LPIN1: variants seen among roughly 807,000 people sequenced by gnomAD.
LPIN1 encodes the protein lipin 1.
LPIN1 carries 71 observed loss-of-function variants against 107.5 expected under a neutral mutation model. The ratio of observed to expected loss-of-function variants is 0.66; its 90% CI spans 0.55 to 0.80. The LOEUF (loss-of-function observed/expected upper bound fraction) is 0.80, where lower values mean the gene tolerates loss of function less well. LPIN1 is among the 30% of genes least tolerant of loss of function. LPIN1 has a pLI of 0.00. For missense variants in LPIN1, 1,043 were observed against 1,160.6 expected, an observed-to-expected ratio of 0.90 and a Z score of 1.47; for synonymous variants, 445 against 452.6, an observed-to-expected ratio of 0.98 and a Z score of 0.21.
At chr2:11,781,678 A>G (rs781397318) in intron 7 of LPIN1, among the ~76,000 whole-genome samples, 1 of 152,246 alleles carries the variant, frequency 6.6e-6, no homozygotes, top group East Asian at 1.9e-4. Context: ...GTATAGCTCA[A>G]TACATTTTCA....
intron 4 of LPIN1, among the ~76,000 whole-genome samples, chr2:11,773,310 A>G (rs1327240573): frequency 6.6e-6 from 1 of 152,170 alleles, no homozygotes; most frequent in Non-Finnish European, 1.5e-5. Context: ...TTGGAACATG[A>G]CCGTGTAGGG....
intron 1 of LPIN1, among the ~76,000 whole-genome samples, chr2:11,759,879 C>G (rs1430473273): frequency 6.9e-6 from 1 of 145,144 alleles, no homozygotes; most frequent in African/African-American, 2.5e-5. Flanking sequence ...ACCTCCCTCC[C>G]GGACGGGGTG....
Position 11,776,151 on chromosome 2 carries a change from G to T in LPIN1, c.788G>T (p.Ser263Ile). 1 of 1,547,474 alleles carries T rather than the reference G, an allele frequency of 6.5e-7. No homozygotes were observed. Among genetic ancestry groups the T allele is most frequent in the Non-Finnish European group, 8.7e-7 (1 of 1,144,824 alleles). The change falls in exon 6 of 21, where the codon AGT becomes ATT. Residue 263 changes from serine (S) to isoleucine (I), a missense_variant. Transcript: ENST00000674199. ...GTTGCGGCCGAGGGAGGTCTGTCTA[G>T]TTCTTGCCCTCCACAGTCTTCCCTG... is the stretch of plus-strand genomic sequence containing the variant. ...LAVAAEGGLS[S>I]SCPPQSSLFH...
intron 1 of LPIN1, among the ~76,000 whole-genome samples, chr2:11,752,972 C>G (rs186705126): frequency 6.6e-6 from 1 of 152,142 alleles, no homozygotes; most frequent in Non-Finnish European, 1.5e-5. Flanking sequence ...TGACAGTGTC[C>G]GCAGTGCTGT....
intron 1 of LPIN1, chr2:11,677,734 G>A: frequency 6.5e-7 from 1 of 1,535,336 alleles, no homozygotes; most frequent in Non-Finnish European, 8.7e-7. Context: ...CATGGGTAAG[G>A]GCCGGCCATG....
At chr2:11,795,385 C>G (rs761998350) in intron 13 of LPIN1, 23 bp from the exon 14 acceptor site, 1 of 1,604,306 alleles carries the variant, frequency 6.2e-7, no homozygotes, top group Non-Finnish European at 8.5e-7. Context: ...ACTTCTGTGA[C>G]TCTTTCTTTT....
chr2:11,821,288 G>A (rs559344554), intron 20 of LPIN1, among the ~76,000 whole-genome samples: 16 of 152,268 alleles, frequency 1.1e-4, no homozygotes, highest in African/African-American at 3.6e-4. Flanking sequence ...AGGCTGAGGT[G>A]GGTGGATCAC....
At chr2:11,712,615 T>C (rs1216503520) in intron 1 of LPIN1, among the ~76,000 whole-genome samples, 1 of 151,840 alleles carries the variant, frequency 6.6e-6, no homozygotes, top group Non-Finnish European at 1.5e-5. Flanking sequence ...TCAACAAATA[T>C]GTGCTGGAAA....
intron 1 of LPIN1, among the ~76,000 whole-genome samples, chr2:11,701,321 G>A (rs138434422): frequency 2.6e-5 from 4 of 152,278 alleles, no homozygotes; most frequent in African/African-American, 4.8e-5. Flanking sequence ...AAGTGATCCT[G>A]TCTTAGTTAT....
chr2:11,723,162 G>A (rs1036544880), upstream of LPIN1, among the ~76,000 whole-genome samples: 2 of 152,222 alleles, frequency 1.3e-5, no homozygotes, highest in African/African-American at 4.8e-5. Context: ...GGCAAGGCAG[G>A]TTTTGTATGC....
At chr2:11,758,285 G>A (rs921664284) in intron 1 of LPIN1, among the ~76,000 whole-genome samples, 11 of 151,786 alleles carry the variant, frequency 7.2e-5, no homozygotes, top group Non-Finnish European at 1.5e-5. Context: ...TATATACCCG[G>A]GACTGGAATG....
intron 1 of LPIN1, among the ~76,000 whole-genome samples, chr2:11,754,220 AG>A (rs1668328022): frequency 6.6e-6 from 1 of 152,224 alleles, no homozygotes; most frequent in Non-Finnish European, 1.5e-5. Context: ...AACACAGATA[AG>A]GGGCACCCCA....
At chr2:11,693,822 ATTTTTTTTT>A (rs34409476) in intron 1 of LPIN1, among the ~76,000 whole-genome samples, 31 of 18,950 alleles carry the variant, frequency 1.6e-3, no homozygotes, top group African/African-American at 4.5e-3. Context: ...ATATATATAT[ATTTTTTTTT>A]TTTTTTTTTT....
chr2:11,753,297 C>T (rs1668146577), intron 1 of LPIN1, among the ~76,000 whole-genome samples: 1 of 152,210 alleles, frequency 6.6e-6, no homozygotes, highest in African/African-American at 2.4e-5. Flanking sequence ...AGGCCTCTGA[C>T]TTGCAGGGCC....
intron 9 of LPIN1, 118 bp downstream of exon 9, chr2:11,784,040 C>A: frequency 1.3e-6 from 2 of 1,552,836 alleles, no homozygotes; most frequent in Non-Finnish European, 1.7e-6. Context: ...CGCGGTGGCT[C>A]ACGCCTGTAA....
chr2:11,704,747 TG>T (rs1663043851), intron 1 of LPIN1, among the ~76,000 whole-genome samples: 1 of 152,178 alleles, frequency 6.6e-6, no homozygotes, highest in African/African-American at 2.4e-5. Context: ...TCCCCAGCCC[TG>T]GGTCCTCTAT....
rs1457756156 is a variant in LPIN1, at chr2:11,739,961, T to C, written c.-71-1388T>C. The stretch of plus-strand genomic sequence containing the variant: ...TATAGATAAATGAGAGGGGATTTAA[T>C]TTGGAAATTGGCTCACATGATTATG... On this transcript the variant is annotated intron_variant, in intron 1 of 21. Transcript: ENST00000396097. Among the ~76,000 whole-genome samples the C allele has an allele frequency of 7.2e-5, 11 of 152,304 alleles. No homozygotes were observed. In the East Asian group the frequency reaches 1.9e-3, roughly 27 times the overall value.
chr2:11,789,836 C>T (rs1003156901), intron 12 of LPIN1, among the ~76,000 whole-genome samples: 2 of 152,216 alleles, frequency 1.3e-5, no homozygotes, highest in Non-Finnish European at 2.9e-5. Context: ...TCCACATGGG[C>T]TCTGAAACTT....
intron 6 of LPIN1, chr2:11,777,186 A>C (rs1024544134): frequency 3.9e-5 from 6 of 152,198 alleles, no homozygotes; most frequent in African/African-American, 1.4e-4. Context: ...CCCACTTGGC[A>C]GTGGGCCCCA....
Sources: allele counts gnomAD v4.1 joint callset (sites outside exome capture counted in the v4.1 genomes callset), GRCh38; gene constraint gnomAD v4.1.1; transcripts MANE v1.5; gene names NCBI Gene and HGNC (gene_info 2026-07-23, HGNC 2026-07-21).